RMDN2: variants seen among roughly 807,000 people sequenced by gnomAD.
RMDN2 encodes the protein regulator of microtubule dynamics protein 2.
Under a neutral mutation model 52.8 loss-of-function variants are expected in RMDN2, and 61 were observed. That is an observed-to-expected ratio of 1.16 (90% CI 0.94 to 1.43). RMDN2 has a LOEUF of 1.43. RMDN2 is among the 40% of genes most tolerant of loss of function. The pLI, the probability that RMDN2 is intolerant of heterozygous loss-of-function variation, is 0.00. For synonymous variants in RMDN2, 180 were observed against 153.1 expected (o/e 1.18, Z -1.30); for missense variants, 592 against 475.3 (o/e 1.25, Z -2.28).
chr2:37,948,493 T>A (rs1259747443), intron 2 of RMDN2, among the ~76,000 whole-genome samples: 1 of 151,982 alleles, frequency 6.6e-6, no homozygotes, highest in Non-Finnish European at 1.5e-5. Context: ...CCTGGGGTCA[T>A]GGAATTGATA....
chr2:38,030,455 A>G (rs921597171), intron 10 of RMDN2: 2 of 152,242 alleles, frequency 1.3e-5, no homozygotes, highest in African/African-American at 4.8e-5. Flanking sequence ...GTGCAGTCAC[A>G]GAGGATCATT....
chr2:37,967,697 C>T (rs1343864371), intron 2 of RMDN2, among the ~76,000 whole-genome samples: 1 of 152,218 alleles, frequency 6.6e-6, no homozygotes, highest in Non-Finnish European at 1.5e-5. Context: ...GCTCATTCCT[C>T]TCATCGAACA....
chr2:37,963,958 C>G (rs1462307631), intron 2 of RMDN2, among the ~76,000 whole-genome samples: 3 of 151,634 alleles, frequency 2.0e-5, no homozygotes, highest in African/African-American at 7.3e-5. Flanking sequence ...CCCCACCTCC[C>G]TCCCGGACAG....
At chr2:37,974,306 G>T (rs1365978633) in intron 3 of RMDN2, 92 bp downstream of exon 3, 4 of 786,524 alleles carry the variant, frequency 5.1e-6, no homozygotes, top group South Asian at 8.5e-5. Flanking sequence ...TTGTGTCATG[G>T]TTCCCACATT....
Position 37,993,241 on chromosome 2 carries a change from A to T in RMDN2, c.945+1944A>T, listed in dbSNP as rs74866394. 8.9e-4 allele frequency among the ~76,000 whole-genome samples: 136 copies of T among 152,218 alleles called. 1 individual carries two copies. In the East Asian group the frequency reaches 0.022, roughly 25 times the overall value. On this transcript the variant is annotated intron_variant, in intron 7 of 10. Transcript: ENST00000354545. ...CACCTGGCCCAGGCAGTTTACTTCT[A>T]AAATCTTTGCTCTTAACTAGTAAGC...
In RMDN2 at chr2:37,941,607, C is replaced by G. The variant is rs144995722; in HGVS notation, c.452+11878C>G. On this transcript the variant is annotated intron_variant, in intron 2 of 10. Coordinates refer to ENST00000354545, the MANE Select transcript of RMDN2 (RefSeq NM_001170791.3). ...GATGCCCTGCCCAGAGAGGAGGAAT[C>G]TAGAGAGGCAGTCTGGCTATAGCTG... Among the ~76,000 whole-genome samples, 1,059 of 152,328 alleles carry G rather than the reference C, an allele frequency of 7.0e-3. 7 individuals carry two copies. Among genetic ancestry groups the G allele is most frequent in the African/African-American group, 0.024 (1,003 of 41,572 alleles).
At chr2:38,028,888 C>A (rs1218429300) in intron 10 of RMDN2, among the ~76,000 whole-genome samples, 1 of 152,156 alleles carries the variant, frequency 6.6e-6, no homozygotes, top group Non-Finnish European at 1.5e-5. Context: ...CTGGAGCCAG[C>A]TGATGCGGAG....
intron 10 of RMDN2, among the ~76,000 whole-genome samples, chr2:38,066,608 C>A (rs904948468): frequency 2.6e-5 from 4 of 152,144 alleles, no homozygotes; most frequent in African/African-American, 9.7e-5. Flanking sequence ...GAAGAAACAA[C>A]CTCTGTGAGT....
chr2:37,980,523 C>T (rs1470045033), intron 4 of RMDN2, among the ~76,000 whole-genome samples: 1 of 152,080 alleles, frequency 6.6e-6, no homozygotes, highest in Non-Finnish European at 1.5e-5. Flanking sequence ...AGATTGGTCT[C>T]GAATTCCTGA....
intron 10 of RMDN2, among the ~76,000 whole-genome samples, chr2:38,040,282 T>C (rs1680875662): frequency 6.6e-6 from 1 of 152,134 alleles, no homozygotes; most frequent in African/African-American, 2.4e-5. Context: ...GCTGTATAGT[T>C]AGTTTTTGCT....
chr2:37,933,025 G>A (rs1182299355), intron 2 of RMDN2, among the ~76,000 whole-genome samples: 9 of 151,612 alleles, frequency 5.9e-5, no homozygotes, highest in Admixed American at 2.0e-4. Context: ...CAGACGGGGC[G>A]GCTGCCGGGC....
At chr2:37,965,850 C>T (rs1670968800) in intron 2 of RMDN2, among the ~76,000 whole-genome samples, 4 of 152,044 alleles carry the variant, frequency 2.6e-5, no homozygotes, top group African/African-American at 7.2e-5. Context: ...TTAATTTCTC[C>T]CTCATTTTTG....
chr2:37,968,425 C>G (rs1384042292), intron 2 of RMDN2, among the ~76,000 whole-genome samples: 3 of 116,816 alleles, frequency 2.6e-5, no homozygotes, highest in African/African-American at 1.0e-4. Context: ...GGTGACAGAG[C>G]GAGACTCTGT....
chr2:37,965,671 C>G (rs1167760008), intron 2 of RMDN2, among the ~76,000 whole-genome samples: 2 of 151,990 alleles, frequency 1.3e-5, no homozygotes, highest in African/African-American at 4.8e-5. Flanking sequence ...TAGAATAATT[C>G]TGTTATATTT....
At chr2:37,953,628 T>C (rs1338106213) in intron 2 of RMDN2, among the ~76,000 whole-genome samples, 1 of 152,104 alleles carries the variant, frequency 6.6e-6, no homozygotes, top group Non-Finnish European at 1.5e-5. Context: ...GTTTAACTAT[T>C]GTGAATAATG....
At chr2:38,015,820 T>C (rs549841563) in intron 10 of RMDN2, among the ~76,000 whole-genome samples, 12 of 152,266 alleles carry the variant, frequency 7.9e-5, no homozygotes, top group African/African-American at 2.4e-4. Context: ...TGAACTCTGT[T>C]CCTCCACAGC....
chr2:37,965,595 T>C (rs1224356098), intron 2 of RMDN2, among the ~76,000 whole-genome samples: 1 of 152,200 alleles, frequency 6.6e-6, no homozygotes, highest in Non-Finnish European at 1.5e-5. Context: ...TATAGATTCA[T>C]AATTACTTTT....
At chr2:38,009,705 C>G (rs1677665912) in intron 10 of RMDN2, among the ~76,000 whole-genome samples, 1 of 152,180 alleles carries the variant, frequency 6.6e-6, no homozygotes, top group Non-Finnish European at 1.5e-5. Flanking sequence ...CTTCTTCTCT[C>G]AACTTGTCAG....
chr2:38,037,947 A>G (rs889096716), intron 10 of RMDN2, among the ~76,000 whole-genome samples: 1 of 152,174 alleles, frequency 6.6e-6, no homozygotes, highest in African/African-American at 2.4e-5. Flanking sequence ...AAGAGAAGAT[A>G]AACATGTGAT....
Sources: allele counts gnomAD v4.1 joint callset (sites outside exome capture counted in the v4.1 genomes callset), GRCh38; gene constraint gnomAD v4.1.1; transcripts MANE v1.5; gene names NCBI Gene and HGNC (gene_info 2026-07-23, HGNC 2026-07-21).